Variants in ABCA4 observed in about 807,000 individuals in gnomAD.
ABCA4 encodes the protein retinal-specific phospholipid-transporting ATPase ABCA4.
A neutral mutation model predicts 263.7 loss-of-function variants in ABCA4; 196 were observed. The ratio of observed to expected loss-of-function variants is 0.74; its 90% CI spans 0.66 to 0.84. The LOEUF (loss-of-function observed/expected upper bound fraction) is 0.84, where lower values mean the gene tolerates loss of function less well. ABCA4 is among the 40% of genes least tolerant of loss of function. The pLI is 0.00. For synonymous variants in ABCA4, 1,133 were observed against 1,094.2 expected (o/e 1.04, Z -0.70); for missense variants, 2,792 against 2,855.1 (o/e 0.98, Z 0.50).
At chr1:94,113,886 A>G (rs924906319) in intron 1 of ABCA4, among the ~76,000 whole-genome samples, 2 of 152,268 alleles carry the variant, frequency 1.3e-5, no homozygotes, top group Non-Finnish European at 1.5e-5. Flanking sequence ...AAGCAGATCC[A>G]GTGGCTGTGG....
chr1:94,046,473 A>AAAAAAAAT (rs71094277), intron 19 of ABCA4, among the ~76,000 whole-genome samples: 1 of 120,850 alleles, frequency 8.3e-6, no homozygotes. Flanking sequence ...AAAAAAAAAA[A>AAAAAAAAT]AAAGAAAAGA....
intron 1 of ABCA4, among the ~76,000 whole-genome samples, chr1:94,115,823 C>G (rs1012237394): frequency 9.9e-5 from 15 of 152,186 alleles, no homozygotes; most frequent in South Asian, 2.1e-4. Context: ...CCTTGTAGGC[C>G]TGCCCTCCAC....
chr1:94,042,936 TG>T, intron 21 of ABCA4, 38 bp from the exon 22 acceptor site: 1 of 1,613,942 alleles, frequency 6.2e-7, no homozygotes, highest in Non-Finnish European at 8.5e-7. Context: ...TAAGGGGCTG[TG>T]GAGGGTGAGG....
At chr1:94,014,444 A>G in intron 38 of ABCA4, 99 bp downstream of exon 38, 3 of 1,391,614 alleles carry the variant, frequency 2.2e-6, no homozygotes, top group South Asian at 2.3e-5. Flanking sequence ...ATCCGCATAC[A>G]GCTGCTACAT....
intron 26 of ABCA4, among the ~76,000 whole-genome samples, chr1:94,034,939 A>C (rs1403138538): frequency 1.3e-5 from 2 of 152,204 alleles, no homozygotes; most frequent in Non-Finnish European, 2.9e-5. Context: ...TGCTACAGGT[A>C]GATGCTATTA....
At chr1:93,993,474 C>T (rs1250763029) in intron 49 of ABCA4, among the ~76,000 whole-genome samples, 1 of 151,810 alleles carries the variant, frequency 6.6e-6, no homozygotes, top group Non-Finnish European at 1.5e-5. Context: ...TACAAAGACA[C>T]ACATACGAGA....
rs116962324 is a variant in ABCA4 at position 94,087,393 on chromosome 1, C to T, written c.769-3952G>A. Among the ~76,000 whole-genome samples the T allele has an allele frequency of 4.4e-4, 67 of 152,316 alleles. No individual in the cohort carries two copies. In the East Asian group the frequency reaches 0.011, roughly 26 times the overall value. On this transcript the variant is annotated intron_variant, in intron 6 of 49. Transcript: ENST00000370225. ...ATTGATGCTTATCTATGCAATATTG[C>T]TAAAAGTCATAATGCCTGGCCCAGC...
rs745322668 is a variant in ABCA4 at position 94,036,726 on chromosome 1, C to G, written c.3862+14G>C. 6.2e-7 allele frequency: 1 copy of G among 1,613,822 alleles called. No individual in the cohort carries two copies. Among genetic ancestry groups the G allele is most frequent in the Non-Finnish European group, 8.5e-7 (1 of 1,179,834 alleles). ...GGCAAGGAAGGGAACAAGCCACTGG[C>G]TCCAGCACCATACCCGCAAACAGAG... On this transcript the variant is annotated intron_variant, in intron 26 of 49. Coordinates refer to ENST00000370225, the MANE Select transcript of ABCA4 (RefSeq NM_000350.3).
At chr1:93,999,069 A>G (rs1659102340) in intron 47 of ABCA4, among the ~76,000 whole-genome samples, 1 of 151,518 alleles carries the variant, frequency 6.6e-6, no homozygotes, top group Non-Finnish European at 1.5e-5. Context: ...TTTTTGAGAC[A>G]GAGTCTTGCT....
chr1:94,007,899 A>G (rs1379110535), intron 42 of ABCA4, 159 bp from the exon 43 acceptor site: 2 of 720,266 alleles, frequency 2.8e-6, no homozygotes, highest in East Asian at 2.7e-5. Flanking sequence ...CTTGAAACAC[A>G]TCTAAGTCCC....
chr1:94,033,468 G>A (rs983185586), intron 26 of ABCA4, among the ~76,000 whole-genome samples: 1 of 151,832 alleles, frequency 6.6e-6, no homozygotes, highest in Non-Finnish European at 1.5e-5. Context: ...CACAGGATTG[G>A]TTTGGAAATT....
chr1:94,079,850 T>C (rs1661641781), intron 8 of ABCA4, among the ~76,000 whole-genome samples: 1 of 152,196 alleles, frequency 6.6e-6, no homozygotes, highest in African/African-American at 2.4e-5. Flanking sequence ...TTCAATTAGC[T>C]GCTTAGCTGC....
At chr1:94,003,252 C>T (rs4847195) in intron 44 of ABCA4, among the ~76,000 whole-genome samples, 150,314 of 152,326 alleles carry the variant, frequency 0.99, 74,172 homozygotes, top group East Asian at 1. Context: ...CTATTGTCTG[C>T]TATTCAGTCA....
At chr1:94,108,883 C>T (rs1388053093) in intron 3 of ABCA4, among the ~76,000 whole-genome samples, 167 bp from the exon 4 acceptor site, 2 of 152,070 alleles carry the variant, frequency 1.3e-5, no homozygotes, top group African/African-American at 4.8e-5. Flanking sequence ...CGCTATTCTC[C>T]TGCCTCAGCC....
intron 19 of ABCA4, chr1:94,045,925 G>A (rs1660659689): frequency 2.2e-6 from 1 of 456,178 alleles, no homozygotes; most frequent in South Asian, 1.5e-5. Flanking sequence ...CTCAGCAGAT[G>A]GCGCTCGGGT....
At chr1:94,045,962 G>A (rs1469597412) in intron 19 of ABCA4, 11 of 456,036 alleles carry the variant, frequency 2.4e-5, no homozygotes, top group Non-Finnish European at 4.4e-5. Flanking sequence ...GGGCGCCTGC[G>A]GAGCTGAGAG....
intron 33 of ABCA4, 42 bp from the exon 34 acceptor site, chr1:94,021,756 T>C: frequency 6.2e-7 from 1 of 1,609,968 alleles, no homozygotes; most frequent in Non-Finnish European, 8.5e-7. Flanking sequence ...GTTTTAATTT[T>C]TTTTTCCTGT....
At chr1:94,048,576 G>A (rs572615263) in intron 18 of ABCA4, among the ~76,000 whole-genome samples, 1 of 152,372 alleles carries the variant, frequency 6.6e-6, no homozygotes, top group South Asian at 2.1e-4. Context: ...ATCCTCGGAA[G>A]TCAGCACATT....
At chr1:94,012,736 C>T (rs186016508) in intron 38 of ABCA4, among the ~76,000 whole-genome samples, 26 of 152,356 alleles carry the variant, frequency 1.7e-4, no homozygotes, top group Non-Finnish European at 2.9e-4. Flanking sequence ...CTCTGTCACA[C>T]GCTGTATTAT....
Sources: allele counts gnomAD v4.1 joint callset (sites outside exome capture counted in the v4.1 genomes callset), GRCh38; gene constraint gnomAD v4.1.1; transcripts MANE v1.5; gene names NCBI Gene and HGNC (gene_info 2026-07-23, HGNC 2026-07-21).